The following LIPA variants were observed in gnomAD, a reference collection of about 807,000 sequenced individuals.
LIPA encodes the protein lipase A, lysosomal acid type.
LIPA carries 26 observed loss-of-function variants against 40.6 expected under a neutral mutation model. The ratio of observed to expected loss-of-function variants is 0.64; its 90% confidence interval spans 0.47 to 0.89. LIPA has a LOEUF of 0.89. Among genes scored for constraint, LIPA ranks in the 40% least tolerant of loss-of-function variants. The pLI is 0.00. For missense variants in LIPA, 455 were observed against 479.6 expected, an observed-to-expected ratio of 0.95 and a Z score of 0.48; for synonymous variants, 188 against 168.4, an observed-to-expected ratio of 1.12 and a Z score of -0.90.
At chr10:89,403,896 G>A in intron 2 of LIPA, 4 of 508,772 alleles carry the variant, frequency 7.9e-6, no homozygotes. Context: ...GTGTATGCAT[G>A]TAAGAAAGAG....
chr10:89,260,533 C>G (rs1250427962), intron 1 of LIPA, among the ~76,000 whole-genome samples: 8 of 152,200 alleles, frequency 5.3e-5, no homozygotes, highest in African/African-American at 1.9e-4. Flanking sequence ...TCATTGCCAG[C>G]AGGGGGCAGC....
intron 1 of LIPA, among the ~76,000 whole-genome samples, chr10:89,414,119 G>A (rs1402282880): frequency 6.6e-6 from 1 of 152,158 alleles, no homozygotes; most frequent in Non-Finnish European, 1.5e-5. Flanking sequence ...AAGCTATTTG[G>A]CAATATCCGT....
chr10:89,228,654 C>CA (rs1381841543), intron 3 of LIPA, among the ~76,000 whole-genome samples: 2 of 152,122 alleles, frequency 1.3e-5, no homozygotes, highest in Non-Finnish European at 2.9e-5. Flanking sequence ...GCAGCAAAAA[C>CA]AAAAATCAAT....
In LIPA at chr10:89,247,412, T is replaced by A. The variant is rs4262635; in HGVS notation, c.111+126A>T. On this transcript the variant is annotated intron_variant, in intron 2 of 9. Coordinates refer to ENST00000336233, the MANE Select transcript of LIPA (RefSeq NM_000235.4). ...AAAAAAAAAAAAAAAAAAAAAAAAA[T>A]TCAGAGAAATTGAAAAGCAAAGGAG... The A allele has an allele frequency of 1.9e-3, 713 of 377,922 alleles. 6 individuals are homozygous for A. The highest frequency in any genetic ancestry group is 0.018 in the African/African-American group (631 of 34,922). 23.4% of individuals were successfully genotyped at this position (377,922 alleles called of 1,614,324 possible).
chr10:89,381,767 T>C (rs959725420), intron 2 of LIPA, among the ~76,000 whole-genome samples: 3 of 152,052 alleles, frequency 2.0e-5, no homozygotes, highest in Non-Finnish European at 4.4e-5. Flanking sequence ...TCTTCCTTTC[T>C]TTCCTTTCCT....
At chr10:89,399,608 A>AC (rs34938775) in intron 2 of LIPA, among the ~76,000 whole-genome samples, 97,159 of 151,906 alleles carry the variant, frequency 0.64, 33,317 homozygotes, top group African/African-American at 0.89. Flanking sequence ...GCTTTCCCAC[A>AC]CATTTGTTGA....
rs139038464 is a variant in LIPA, at chr10:89,266,202, T to C, written c.-1-18553A>G. ...TGTCATTTAACAGCTGACGCAGATA[T>C]TCCAGTGATGCTACGGTGCTGTTTA... On this transcript the variant is annotated intron_variant, in intron 1 of 5. Transcript: ENST00000282673. Among the ~76,000 whole-genome samples, 238 of 152,346 alleles carry C rather than the reference T, an allele frequency of 1.6e-3. 2 individuals are homozygous for C. In the East Asian group the frequency reaches 0.024, roughly 15 times the overall value.
chr10:89,330,329 C>A (rs10887946), intron 1 of LIPA, among the ~76,000 whole-genome samples: 31,240 of 152,234 alleles, frequency 0.21, 4,288 homozygotes, highest in East Asian at 0.61. Flanking sequence ...CCCAAGACAT[C>A]AGATAGAGAG....
intron 1 of LIPA, chr10:89,284,157 G>A (rs1460405702): frequency 6.6e-6 from 1 of 152,302 alleles, no homozygotes; most frequent in Non-Finnish European, 1.5e-5. Context: ...CCTCATAGGA[G>A]GGGTTGCTGG....
intron 1 of LIPA, among the ~76,000 whole-genome samples, chr10:89,327,405 G>T (rs1358093211): frequency 1.3e-5 from 2 of 152,054 alleles, no homozygotes; most frequent in African/African-American, 2.4e-5. Context: ...ACAAATATTA[G>T]CCGGGCATGG....
chr10:89,263,544 A>G (rs1388003243), intron 1 of LIPA, among the ~76,000 whole-genome samples: 1 of 152,250 alleles, frequency 6.6e-6, no homozygotes, highest in Admixed American at 6.5e-5. Flanking sequence ...CAAAAGCAAT[A>G]CAAAACCTAC....
chr10:89,288,818 C>T (rs559722496), intron 1 of LIPA, among the ~76,000 whole-genome samples: 222 of 152,242 alleles, frequency 1.5e-3, no homozygotes, highest in Non-Finnish European at 2.1e-3. Flanking sequence ...AAGTACCACA[C>T]ATCAATATTT....
chr10:89,260,756 C>T (rs1431878198), intron 1 of LIPA, among the ~76,000 whole-genome samples: 1 of 152,172 alleles, frequency 6.6e-6, no homozygotes, highest in Non-Finnish European at 1.5e-5. Flanking sequence ...ACATACAGGG[C>T]AGACTGCTCT....
intron 2 of LIPA, among the ~76,000 whole-genome samples, chr10:89,369,578 C>G (rs1844080553): frequency 2.0e-5 from 3 of 152,136 alleles, no homozygotes; most frequent in Admixed American, 6.5e-5. Flanking sequence ...CATGAAATAG[C>G]TGAAGGAGGA....
At chr10:89,412,186 T>G (rs993647570) in intron 2 of LIPA, among the ~76,000 whole-genome samples, 1 of 151,906 alleles carries the variant, frequency 6.6e-6, no homozygotes, top group African/African-American at 2.4e-5. Flanking sequence ...CATCAGCAAT[T>G]GGGGTGTCCT....
chr10:89,367,489 C>G (rs188033299), intron 2 of LIPA, among the ~76,000 whole-genome samples: 4 of 152,322 alleles, frequency 2.6e-5, no homozygotes, highest in Admixed American at 1.3e-4. Context: ...ACTGGCTCAT[C>G]TAGGCCTATA....
intron 3 of LIPA, among the ~76,000 whole-genome samples, chr10:89,238,596 CCTA>C (rs1197975829): frequency 2.6e-5 from 4 of 152,204 alleles, no homozygotes; most frequent in African/African-American, 9.6e-5. Context: ...CTCTGCTACT[CCTA>C]CAACAGCAAG....
At chr10:89,331,112 A>G (rs529004261) in intron 1 of LIPA, among the ~76,000 whole-genome samples, 5 of 152,230 alleles carry the variant, frequency 3.3e-5, no homozygotes, top group Admixed American at 1.3e-4. Flanking sequence ...GACTGTTTAC[A>G]TAGGCAAAGA....
intron 2 of LIPA, chr10:89,403,567 G>A (rs201610844): frequency 7.0e-5 from 113 of 1,613,892 alleles, no homozygotes; most frequent in Non-Finnish European, 8.3e-5. Flanking sequence ...AGGAAACTTC[G>A]GAGAAAGGCA....
Sources: gnomAD v4.1 joint callset for allele counts (sites outside exome capture counted in the v4.1 genomes callset) on GRCh38, gnomAD v4.1.1 for gene constraint, MANE v1.5 for transcripts, NCBI Gene and HGNC (gene_info 2026-07-23, HGNC 2026-07-21) for gene names.